Variants in LONRF2 observed in about 807,000 individuals in gnomAD.
LONRF2 encodes LON peptidase N-terminal domain and ring finger 2.
LONRF2 carries 35 observed loss-of-function variants against 66.6 expected under a neutral mutation model. That is an observed-to-expected ratio of 0.53 (90% CI 0.40 to 0.70). The LOEUF (loss-of-function observed/expected upper bound fraction) is 0.70. LONRF2 is among the 30% of genes least tolerant of loss of function. The probability of loss-of-function intolerance (pLI) is 0.00; values close to 1 mark genes in which losing one functional copy is unlikely to be tolerated. For synonymous variants in LONRF2, 417 were observed against 418.1 expected (o/e 1.00, Z 0.03); for missense variants, 902 against 1,002.1 (o/e 0.90, Z 1.35).
At chr2:100,303,552 T>C (rs1482818127) in intron 2 of LONRF2, among the ~76,000 whole-genome samples, 1 of 152,244 alleles carries the variant, frequency 6.6e-6, no homozygotes, top group Non-Finnish European at 1.5e-5. Flanking sequence ...CTCAAATCTA[T>C]AAAAACACTA....
rs1675610708 is a variant in LONRF2 at position 100,321,013 on chromosome 2, T to C, written c.679+402A>G. ...TATATTAGCTGAAACCCAAAGCAAA[T>C]CTTGCCCCAGCACAAGGCACCCCTT... is the stretch of plus-strand genomic sequence containing the variant. On this transcript the variant is annotated intron_variant, in intron 1 of 11. Coordinates refer to ENST00000393437, the MANE Select transcript of LONRF2 (RefSeq NM_198461.4). 2.6e-5 allele frequency among the ~76,000 whole-genome samples: 4 copies of C among 152,164 alleles called. No individual in the cohort carries two copies. The South Asian group carries it at 8.3e-4, about 32-fold the overall frequency.
intron 1 of LONRF2, among the ~76,000 whole-genome samples, chr2:100,310,558 A>G (rs1219272610): frequency 6.6e-6 from 1 of 152,284 alleles, no homozygotes; most frequent in Non-Finnish European, 1.5e-5. Flanking sequence ...AGACATGGTG[A>G]AAAGTAACTA....
chr2:100,296,678 G>T (rs952874752), intron 7 of LONRF2, among the ~76,000 whole-genome samples: 1 of 152,116 alleles, frequency 6.6e-6, no homozygotes, highest in African/African-American at 2.4e-5. Flanking sequence ...ACCATCACAG[G>T]GTAACTGGTA....
chr2:100,299,759 C>G lies in LONRF2; in HGVS notation c.1225G>C (p.Asp409His), dbSNP rs115681175. 218 of 1,614,100 alleles carry G rather than the reference C, an allele frequency of 1.4e-4. No homozygotes were observed. The African/African-American group carries it at 2.5e-3, about 18-fold the overall frequency. ...CCAGGGGCGTTCAGGTCAGGTGCAT[C>G]CTCCACGTCATCCGGAAACTGTCTC... ...LKRQFPDDVEDAPDLNAPGKI... is the reference protein window; with the variant it reads ...LKRQFPDDVEHAPDLNAPGKI... Residue 409 changes from aspartate (D) to histidine (H), a missense_variant, in exon 5 of 12, where the codon GAT becomes CAT. By Grantham distance (81) the Asp-to-His change is moderately conservative (BLOSUM62 -1). Coordinates refer to ENST00000393437, the MANE Select transcript of LONRF2 (RefSeq NM_198461.4).
rs1367158812 is a variant in LONRF2 at position 100,321,854 on chromosome 2, C to T, written c.240G>A (p.Ala80=). The change falls in exon 1 of 12, where the codon GCG becomes GCA. Residue 80 remains alanine, a synonymous_variant. Coordinates refer to ENST00000393437, the MANE Select transcript of LONRF2 (RefSeq NM_198461.4). ...CCCCGAGCCGCGCGGCGCCGCGGAACGCGCCCAGGGCTTCGGGGAGGCGGC... is the reference window on the plus strand; with the variant it reads ...CCCCGAGCCGCGCGGCGCCGCGGAATGCGCCCAGGGCTTCGGGGAGGCGGC... ...RAGRLPEALG[A]FRGAARLGAL... 3 of 1,176,954 alleles carry T rather than the reference C, an allele frequency of 2.5e-6. No homozygotes were observed. The African/African-American group carries it at 4.8e-5, about 19-fold the overall frequency. The allele number at this position is 1,176,954 out of a possible 1,614,324, so 72.9% of individuals were successfully genotyped here.
intron 1 of LONRF2, among the ~76,000 whole-genome samples, chr2:100,317,395 G>C (rs1675529409): frequency 6.6e-6 from 1 of 152,076 alleles, no homozygotes; most frequent in African/African-American, 2.4e-5. Context: ...CTCCAAAACA[G>C]TGTACAAACC....
chr2:100,288,736 C>T (rs1052389676), intron 10 of LONRF2, among the ~76,000 whole-genome samples: 1 of 152,218 alleles, frequency 6.6e-6, no homozygotes, highest in Admixed American at 6.5e-5. Context: ...TGTGTTCGTC[C>T]TGTGTCTGGC....
At chr2:100,287,604 A>T (rs1158125348) in intron 10 of LONRF2, among the ~76,000 whole-genome samples, 1 of 152,210 alleles carries the variant, frequency 6.6e-6, no homozygotes, top group Non-Finnish European at 1.5e-5. Flanking sequence ...ACAGGGCAAG[A>T]CTACACTCAT....
intron 1 of LONRF2, among the ~76,000 whole-genome samples, chr2:100,310,790 A>C (rs1675392500): frequency 1.3e-5 from 2 of 152,212 alleles, no homozygotes. Context: ...AGGCAAACTG[A>C]AGGATATCAT....
rs1674673241 is a variant in LONRF2, at chr2:100,279,723, G to A, written c.*4575C>T. The A allele has an allele frequency of 6.6e-6, 1 of 152,180 alleles. No homozygotes were observed. Among genetic ancestry groups the A allele is most frequent in the African/African-American group, 2.4e-5 (1 of 41,422 alleles). The allele number at this position is 152,180 out of a possible 1,614,324, so 9.4% of individuals were successfully genotyped here. A position where few individuals can be genotyped will look rare whatever the true frequency, so the allele number is the denominator to read the frequency against. ...TCCTCTATCTGGCTCTTACAACCTA[G>A]GAAGCAATATCCCCCACCCTAACGA... On this transcript the variant is annotated 3_prime_UTR_variant, in exon 12 of 12. Transcript: ENST00000393437.
At chr2:100,304,230 G>T (rs1386368040) in intron 2 of LONRF2, among the ~76,000 whole-genome samples, 1 of 151,664 alleles carries the variant, frequency 6.6e-6, no homozygotes, top group Non-Finnish European at 1.5e-5. Flanking sequence ...ACATCTCACT[G>T]TGACCCTTAA....
Position 100,284,266 on chromosome 2 carries a change from AG to A in LONRF2, c.*31del. The A allele has an allele frequency of 6.8e-7, 1 of 1,466,372 alleles. No individual in the cohort carries two copies. The highest frequency in any genetic ancestry group is 1.4e-5 in the African/African-American group (1 of 70,868). 90.8% of individuals were successfully genotyped at this position (1,466,372 alleles called of 1,614,324 possible). ...CATGCCTGACATTTATAAAAGCACA[AG>A]GGCTGCCAGAAACCTTGACAGAGAG... On this transcript the variant is annotated 3_prime_UTR_variant, in exon 12 of 12. Coordinates refer to ENST00000393437, the MANE Select transcript of LONRF2 (RefSeq NM_198461.4).
intron 10 of LONRF2, 142 bp from the exon 11 acceptor site, chr2:100,287,205 C>A: frequency 1.3e-6 from 1 of 754,180 alleles, no homozygotes; most frequent in Admixed American, 3.6e-5. Flanking sequence ...ATGGTACATG[C>A]TCAATATAGA....
chr2:100,308,766 T>G (rs1427079543), intron 2 of LONRF2, among the ~76,000 whole-genome samples: 1 of 152,262 alleles, frequency 6.6e-6, no homozygotes, highest in Non-Finnish European at 1.5e-5. Flanking sequence ...TTATGTGATC[T>G]TCCTATTTAC....
chr2:100,309,302 T>C (rs549315745), intron 1 of LONRF2, 77 bp from the exon 2 acceptor site: 117 of 822,232 alleles, frequency 1.4e-4, no homozygotes, highest in Admixed American at 3.0e-4. Flanking sequence ...ATTACATATA[T>C]TAAAGTGTAT....
At chr2:100,287,498 T>C (rs1444992607) in intron 10 of LONRF2, among the ~76,000 whole-genome samples, 1 of 152,234 alleles carries the variant, frequency 6.6e-6, no homozygotes, top group Non-Finnish European at 1.5e-5. Context: ...GTTTCCTCAG[T>C]GTAGTTTCCT....
Position 100,321,848 on chromosome 2 carries a change from G to A in LONRF2, c.246C>T (p.Arg82=). The part of the protein sequence containing the change: ...GRLPEALGAF[R]GAARLGALRP... ...GCAGCGCCCCGAGCCGCGCGGCGCC[G>A]CGGAACGCGCCCAGGGCTTCGGGGA... The change falls in exon 1 of 12, where the codon CGC becomes CGT. Residue 82 remains arginine (R), a synonymous_variant. Transcript: ENST00000393437. 1 of 1,161,238 alleles carries A rather than the reference G, an allele frequency of 8.6e-7. No individual in the cohort carries two copies. Among genetic ancestry groups the A allele is most frequent in the Non-Finnish European group, 1.1e-6 (1 of 945,388 alleles). 71.9% of individuals were successfully genotyped at this position (1,161,238 alleles called of 1,614,324 possible).
chr2:100,287,626 G>A (rs1674874048), intron 10 of LONRF2, among the ~76,000 whole-genome samples: 1 of 152,164 alleles, frequency 6.6e-6, no homozygotes, highest in Admixed American at 6.5e-5. Flanking sequence ...ACATTGGCCT[G>A]GGCTGATGGA....
chr2:100,285,348 G>C (rs966191217), intron 11 of LONRF2, among the ~76,000 whole-genome samples: 2 of 152,146 alleles, frequency 1.3e-5, no homozygotes, highest in African/African-American at 2.4e-5. Context: ...TTCAGAGGTA[G>C]AAAGGCACAG....
Sources: gnomAD v4.1 joint callset for allele counts (sites outside exome capture counted in the v4.1 genomes callset) on GRCh38, gnomAD v4.1.1 for gene constraint, MANE v1.5 for transcripts, NCBI Gene and HGNC (gene_info 2026-07-23, HGNC 2026-07-21) for gene names.